LARGE1: variants seen among roughly 807,000 people sequenced by gnomAD.
LARGE1 encodes xylosyl- and glucuronyltransferase LARGE1.
Under a neutral mutation model 87.6 loss-of-function variants are expected in LARGE1, and 43 were observed. The observed-to-expected ratio is 0.49, with a 90% confidence interval of 0.38 to 0.63. The LOEUF (loss-of-function observed/expected upper bound fraction) is 0.63, where lower values mean the gene tolerates loss of function less well. LARGE1 is among the 30% of genes least tolerant of loss of function. The pLI, the probability that LARGE1 is intolerant of heterozygous loss-of-function variation, is 0.00. For missense variants in LARGE1, 802 were observed against 1,000.2 expected (o/e 0.80, Z 2.67); for synonymous variants, 434 against 394.6 (o/e 1.10, Z -1.18).
chr22:33,559,680 C>T (rs2077796847), intron 6 of LARGE1, among the ~76,000 whole-genome samples: 2 of 152,118 alleles, frequency 1.3e-5, no homozygotes, highest in Non-Finnish European at 2.9e-5. Flanking sequence ...CAGGCCACAG[C>T]ATCTGCCCAC....
In LARGE1 at chr22:33,692,373, C is replaced by T. The variant is rs191579576; in HGVS notation, c.107-41705G>A. Among the ~76,000 whole-genome samples the T allele has an allele frequency of 7.2e-5, 11 of 152,290 alleles. No individual in the cohort carries two copies. In the East Asian group the frequency reaches 1.7e-3, roughly 24 times the overall value. On this transcript the variant is annotated intron_variant, in intron 2 of 14. Coordinates refer to ENST00000397394, the MANE Select transcript of LARGE1 (RefSeq NM_133642.5). ...TCACCCAGGCTGGAGTGCAACAGCA[C>T]GATCTTGGCTCACTGCAACCTCCAC... is the stretch of plus-strand genomic sequence containing the variant.
intron 11 of LARGE1, among the ~76,000 whole-genome samples, chr22:33,313,238 T>C (rs910943144): frequency 6.6e-6 from 1 of 152,112 alleles, no homozygotes; most frequent in Non-Finnish European, 1.5e-5. Context: ...ACGCTCTATC[T>C]CGGGGAGCCC....
intron 9 of LARGE1, among the ~76,000 whole-genome samples, chr22:33,380,135 A>G (rs1406840188): frequency 6.6e-6 from 1 of 152,214 alleles, no homozygotes; most frequent in East Asian, 1.9e-4. Context: ...CTTTCAAAGC[A>G]TGTAAAATAT....
At chr22:33,715,065 TG>T (rs1214243231) in intron 2 of LARGE1, among the ~76,000 whole-genome samples, 1 of 152,216 alleles carries the variant, frequency 6.6e-6, no homozygotes, top group African/African-American at 2.4e-5. Flanking sequence ...CCACCATCTT[TG>T]GGCTCCTACC....
At chr22:33,893,745 A>G (rs1337129752) in intron 1 of LARGE1, among the ~76,000 whole-genome samples, 1 of 152,190 alleles carries the variant, frequency 6.6e-6, no homozygotes, top group African/African-American at 2.4e-5. Context: ...CCCACTCACA[A>G]GGTGTTTGCA....
intron 9 of LARGE1, among the ~76,000 whole-genome samples, chr22:33,352,782 G>T (rs1318257697): frequency 6.6e-6 from 1 of 152,072 alleles, no homozygotes; most frequent in East Asian, 1.9e-4. Flanking sequence ...CCAAAAAAAA[G>T]ATGTTAATGT....
intron 1 of LARGE1, among the ~76,000 whole-genome samples, chr22:33,786,970 G>A (rs537143601): frequency 2.1e-4 from 31 of 145,040 alleles, no homozygotes; most frequent in Non-Finnish European, 3.3e-4. Context: ...GAAGTGAGGC[G>A]AAATTGTGCC....
chr22:33,856,232 A>AGG (rs1338569279), intron 1 of LARGE1, among the ~76,000 whole-genome samples: 1 of 152,180 alleles, frequency 6.6e-6, no homozygotes, highest in African/African-American at 2.4e-5. Context: ...ACCAGTTCTC[A>AGG]GGGGGCCATG....
intron 1 of LARGE1, among the ~76,000 whole-genome samples, chr22:33,789,675 G>C (rs527994058): frequency 6.6e-6 from 1 of 152,222 alleles, no homozygotes; most frequent in Non-Finnish European, 1.5e-5. Context: ...TAGAGGATGT[G>C]AGACATGGAA....
chr22:33,402,533 AC>A (rs1166968744), intron 7 of LARGE1, among the ~76,000 whole-genome samples: 1 of 152,178 alleles, frequency 6.6e-6, no homozygotes, highest in Non-Finnish European at 1.5e-5. Flanking sequence ...CCTAGCATCT[AC>A]CCACACAGCA....
the LARGE1 span, among the ~76,000 whole-genome samples, chr22:33,107,826 C>T: frequency 6.6e-6 from 1 of 152,206 alleles, no homozygotes; most frequent in East Asian, 1.9e-4. Context: ...TATGATTGTG[C>T]CACTGTACCC....
At chr22:33,309,342 T>C (rs1349288205) in intron 11 of LARGE1, among the ~76,000 whole-genome samples, 1 of 152,150 alleles carries the variant, frequency 6.6e-6, no homozygotes, top group African/African-American at 2.4e-5. Flanking sequence ...AAGTTTTCTA[T>C]TTTTAGTAGA....
At chr22:33,719,364 G>A (rs964770964) in intron 2 of LARGE1, among the ~76,000 whole-genome samples, 4 of 152,008 alleles carry the variant, frequency 2.6e-5, no homozygotes, top group Non-Finnish European at 4.4e-5. Flanking sequence ...GAAAGTCTAC[G>A]GTAGTACACA....
At chr22:33,109,102 G>A in the LARGE1 span, 2 of 152,138 alleles carry the variant, frequency 1.3e-5, no homozygotes, top group Admixed American at 1.3e-4. Flanking sequence ...CCATTTCACA[G>A]AGGAGAAAAC....
intron 6 of LARGE1, among the ~76,000 whole-genome samples, chr22:33,440,326 C>A (rs149237173): frequency 1.3e-5 from 2 of 152,274 alleles, no homozygotes; most frequent in East Asian, 3.9e-4. Context: ...CAGGTAAACA[C>A]CAGGAACAGG....
At chr22:33,714,793 G>A (rs977758732) in intron 2 of LARGE1, among the ~76,000 whole-genome samples, 3 of 152,120 alleles carry the variant, frequency 2.0e-5, no homozygotes, top group Admixed American at 6.5e-5. Flanking sequence ...TCTGCTCCAT[G>A]TACCCTAAAT....
chr22:33,186,228 A>G (rs574640622), intron 11 of LARGE1, among the ~76,000 whole-genome samples: 2 of 152,306 alleles, frequency 1.3e-5, no homozygotes, highest in South Asian at 2.1e-4. Context: ...AGAAAATAAT[A>G]TATCAACAAA....
chr22:33,759,980 C>T (rs546249090), intron 2 of LARGE1, among the ~76,000 whole-genome samples: 2 of 152,320 alleles, frequency 1.3e-5, no homozygotes, highest in South Asian at 2.1e-4. Context: ...GCATCCTGAG[C>T]CCTCCCTGCT....
chr22:33,878,914 T>C (rs987374054), intron 1 of LARGE1, among the ~76,000 whole-genome samples: 2 of 152,130 alleles, frequency 1.3e-5, no homozygotes, highest in Admixed American at 1.3e-4. Context: ...ATGCATGATA[T>C]TCAGATGCTT....
Sources: gnomAD v4.1 joint callset for allele counts (sites outside exome capture counted in the v4.1 genomes callset) on GRCh38, gnomAD v4.1.1 for gene constraint, MANE v1.5 for transcripts, NCBI Gene and HGNC (gene_info 2026-07-23, HGNC 2026-07-21) for gene names.